Variants in ZNF280D observed in about 807,000 individuals in gnomAD.
ZNF280D encodes suppressor of hairy wing homolog 4.
Under a neutral mutation model 94.7 loss-of-function variants are expected in ZNF280D, and 39 were observed. The observed-to-expected ratio is 0.41, with a 90% CI of 0.32 to 0.54. The LOEUF (loss-of-function observed/expected upper bound fraction) is 0.54. Among genes scored for constraint, ZNF280D ranks in the 20% least tolerant of loss-of-function variants. The pLI is 0.22. For missense variants in ZNF280D, 1,090 were observed against 1,149.3 expected (o/e 0.95, Z 0.75); for synonymous variants, 398 against 377.6 (o/e 1.05, Z -0.63).
chr15:56,707,408 T>G, intron 1 of ZNF280D, 102 bp from the exon 2 acceptor site: 1 of 959,076 alleles, frequency 1.0e-6, no homozygotes, highest in Non-Finnish European at 1.5e-6. Context: ...GTTTGATATA[T>G]CTGATATACA....
intron 1 of ZNF280D, among the ~76,000 whole-genome samples, chr15:56,709,562 A>C (rs1473808780): frequency 1.3e-5 from 2 of 152,212 alleles, no homozygotes; most frequent in Non-Finnish European, 2.9e-5. Flanking sequence ...ATGCACACGT[A>C]TGTTTATTGC....
chr15:56,672,803 T>C (rs1469776035), intron 13 of ZNF280D, among the ~76,000 whole-genome samples: 11 of 152,028 alleles, frequency 7.2e-5, no homozygotes, highest in African/African-American at 2.4e-4. Flanking sequence ...TTCAAAGCAA[T>C]ATATAAATAT....
At chr15:56,633,610 C>A (rs780694392) in intron 21 of ZNF280D, among the ~76,000 whole-genome samples, 27 of 151,922 alleles carry the variant, frequency 1.8e-4, no homozygotes, top group Admixed American at 6.6e-5. Flanking sequence ...CCTGCCTCAG[C>A]CTCCCGAATA....
chr15:56,700,998 T>A lies in ZNF280D; in HGVS notation c.316A>T (p.Ile106Leu). ...GATCTAGACTCAGGATGAAAATTTA[T>A]TGGTGAGGCAGGCACTGGATTTGAT... ...PTSNPVPASPINFHPESRSSD... is the reference protein window; with the variant it reads ...PTSNPVPASPLNFHPESRSSD... Residue 106 changes from isoleucine to leucine, a missense_variant, in exon 6 of 22, where the codon ATA (isoleucine) becomes TTA (leucine). Ile to Leu is a conservative substitution (Grantham distance 5). Around this residue, in one of 3 missense-constraint regions of ZNF280D, gnomAD observed 386 missense variants for 372.0 expected, o/e 1.04. Coordinates refer to ENST00000267807, the MANE Select transcript of ZNF280D (RefSeq NM_017661.4). 1 of 1,613,948 alleles carries A rather than the reference T, an allele frequency of 6.2e-7. No homozygotes were observed. The highest frequency in any genetic ancestry group is 8.5e-7 in the Non-Finnish European group (1 of 1,179,850).
intron 16 of ZNF280D, among the ~76,000 whole-genome samples, chr15:56,662,773 A>C (rs963156481): frequency 1.3e-5 from 2 of 151,154 alleles, no homozygotes; most frequent in African/African-American, 2.4e-5. Flanking sequence ...GCAGTGAGCC[A>C]AGATCTTGCC....
intron 6 of ZNF280D, chr15:56,699,311 G>GA (rs2056923631): frequency 1.1e-6 from 1 of 906,168 alleles, no homozygotes; most frequent in Non-Finnish European, 1.3e-6. Context: ...TATCATACAG[G>GA]AAAGAAGCAA....
chr15:56,638,461 A>C (rs2052458716), intron 20 of ZNF280D, among the ~76,000 whole-genome samples: 1 of 152,196 alleles, frequency 6.6e-6, no homozygotes, highest in Non-Finnish European at 1.5e-5. Flanking sequence ...AAGGAGAATA[A>C]TCACAATTAT....
At chr15:56,687,254 T>C (rs1424515540) in intron 9 of ZNF280D, among the ~76,000 whole-genome samples, 2 of 152,112 alleles carry the variant, frequency 1.3e-5, no homozygotes, top group Non-Finnish European at 2.9e-5. Context: ...AGAGATACTT[T>C]CCTTATTTAA....
chr15:56,655,396 C>T (rs1178926293), intron 17 of ZNF280D, among the ~76,000 whole-genome samples: 1 of 152,138 alleles, frequency 6.6e-6, no homozygotes, highest in Non-Finnish European at 1.5e-5. Flanking sequence ...TTACTAGAGA[C>T]GGGGTTTCAC....
intron 9 of ZNF280D, among the ~76,000 whole-genome samples, chr15:56,685,366 C>CAAAACAAAACAAAACA (rs1190743025): frequency 1.3e-5 from 2 of 149,200 alleles, no homozygotes; most frequent in Admixed American, 6.7e-5. Flanking sequence ...CAAAACAAAA[C>CAAAACAAAACAAAACA]AAACAAAAAT....
At chr15:56,642,058 A>G (rs1457144293) in intron 20 of ZNF280D, among the ~76,000 whole-genome samples, 2 of 151,746 alleles carry the variant, frequency 1.3e-5, no homozygotes, top group African/African-American at 4.8e-5. Flanking sequence ...AATAAGGGAT[A>G]CTATAAGCAA....
At position 56,635,341 on chromosome 15, in the gene ZNF280D, G is replaced by A. The variant is rs375898174; in HGVS notation, c.2260-91C>T. 16 of 502,402 alleles carry A rather than the reference G, an allele frequency of 3.2e-5. No homozygotes were observed. In the East Asian group the frequency reaches 4.2e-4, roughly 13 times the overall value. The allele number at this position is 502,402 out of a possible 1,614,324, so 31.1% of individuals were successfully genotyped here. ...TAAACTTTCTGGATAAAAGAAACAAGTGTGCAACTTAATATAACAAAGAAA... is the reference window on the plus strand; with the variant it reads ...TAAACTTTCTGGATAAAAGAAACAAATGTGCAACTTAATATAACAAAGAAA... On this transcript the variant is annotated intron_variant, in intron 20 of 21. Transcript: ENST00000267807.
At position 56,653,215 on chromosome 15, in the gene ZNF280D, T is replaced by C. The variant is rs118048031; in HGVS notation, c.2213+983A>G. 476 of 1,098,978 alleles carry C rather than the reference T, an allele frequency of 4.3e-4. 6 individuals carry two copies. In the East Asian group the frequency reaches 0.018, roughly 42 times the overall value. 68.1% of individuals were successfully genotyped at this position (1,098,978 alleles called of 1,614,324 possible). On this transcript the variant is annotated intron_variant, in intron 19 of 21. Transcript: ENST00000267807. Reference sequence around the variant, plus strand: ...TATATTCCTTGGACTGCATTCATGCTAGAGAAAGATTTAAAGGCAGCAGCC... The same window carrying C: ...TATATTCCTTGGACTGCATTCATGCCAGAGAAAGATTTAAAGGCAGCAGCC...
rs913185553 is a variant in ZNF280D, at chr15:56,688,363, C to T, written c.780+678G>A. Among the ~76,000 whole-genome samples, 181 of 151,748 alleles carry T rather than the reference C, an allele frequency of 1.2e-3. 2 individuals carry two copies. The highest frequency in any genetic ancestry group is 4.0e-3 in the African/African-American group (164 of 41,406). ...AAAATTAGCCGGGCGTGGTGGCGGG[C>T]GCCTGTAGTCCCAGCTACTTGGGAG... On this transcript the variant is annotated intron_variant, in intron 9 of 21. Transcript: ENST00000267807.
At chr15:56,722,369 G>C (rs1431636209) in intron 1 of ZNF280D, among the ~76,000 whole-genome samples, 1 of 152,182 alleles carries the variant, frequency 6.6e-6, no homozygotes, top group Non-Finnish European at 1.5e-5. Flanking sequence ...CCTTCAACTT[G>C]TAAAAATGCA....
intron 17 of ZNF280D, among the ~76,000 whole-genome samples, chr15:56,656,903 AG>A (rs1351932993): frequency 6.6e-6 from 1 of 152,124 alleles, no homozygotes; most frequent in Non-Finnish European, 1.5e-5. Context: ...TTTGTAGTCA[AG>A]GAAAGACTCA....
chr15:56,714,908 T>C lies in ZNF280D; in HGVS notation c.-85-7602A>G, dbSNP rs143151232. On this transcript the variant is annotated intron_variant, in intron 1 of 21. Coordinates refer to ENST00000267807, the MANE Select transcript of ZNF280D (RefSeq NM_017661.4). The stretch of plus-strand genomic sequence containing the variant: ...GATGCAAATCTCAACACTTTTTTCA[T>C]AGGATATGAAAAGGATCCTATCTCA... Among the ~76,000 whole-genome samples, 1,247 of 152,264 alleles carry C rather than the reference T, an allele frequency of 8.2e-3. 7 individuals are homozygous for C. The highest frequency in any genetic ancestry group is 0.011 in the Non-Finnish European group (763 of 68,004).
intron 1 of ZNF280D, among the ~76,000 whole-genome samples, chr15:56,726,215 A>AAT (rs1555430164): frequency 0.036 from 5,530 of 151,880 alleles, 347 homozygotes; most frequent in Admixed American, 0.16. Context: ...AACAGGCTAA[A>AAT]AAAAAAAACC....
intron 13 of ZNF280D, among the ~76,000 whole-genome samples, chr15:56,669,914 T>TAATATATATATAA (rs1491162228): frequency 3.7e-4 from 1 of 2,678 alleles, no homozygotes; most frequent in Non-Finnish European, 7.3e-4. Flanking sequence ...TATATATATA[T>TAATATATATATAA]TATATATATA....
Sources: allele counts gnomAD v4.1 joint callset (sites outside exome capture counted in the v4.1 genomes callset), GRCh38; gene constraint gnomAD v4.1.1; regional missense constraint gnomAD v4.1.1; transcripts MANE v1.5; gene names NCBI Gene and HGNC (gene_info 2026-07-23, HGNC 2026-07-21).